Variants in TFDP2 observed in about 807,000 individuals in gnomAD.
TFDP2 encodes transcription factor Dp-2 (E2F dimerization partner 2).
A neutral mutation model predicts 59.3 loss-of-function variants in TFDP2; 17 were observed. The ratio of observed to expected loss-of-function variants is 0.29; its 90% CI spans 0.20 to 0.43. The LOEUF (loss-of-function observed/expected upper bound fraction) is 0.43, where lower values mean the gene tolerates loss of function less well. TFDP2 is among the 20% of genes least tolerant of loss of function. The pLI is 1.00. For missense variants in TFDP2, 391 were observed against 528.8 expected, an observed-to-expected ratio of 0.74 and a Z score of 2.56; for synonymous variants, 180 against 194.7, an observed-to-expected ratio of 0.92 and a Z score of 0.63.
intron 2 of TFDP2, among the ~76,000 whole-genome samples, chr3:142,094,617 T>C (rs772661433): frequency 1.3e-4 from 20 of 152,278 alleles, no homozygotes; most frequent in Non-Finnish European, 2.5e-4. Context: ...CAAACTATAC[T>C]TTCAAGACAC....
At chr3:142,076,444 G>A (rs1450364617) in intron 3 of TFDP2, among the ~76,000 whole-genome samples, 1 of 152,028 alleles carries the variant, frequency 6.6e-6, no homozygotes, top group African/African-American at 2.4e-5. Context: ...TAATGGAACA[G>A]CATATGACTA....
At chr3:142,035,263 A>C (rs1946636928) in intron 3 of TFDP2, among the ~76,000 whole-genome samples, 1 of 152,230 alleles carries the variant, frequency 6.6e-6, no homozygotes, top group Non-Finnish European at 1.5e-5. Context: ...TCCTGCTTAA[A>C]AACTTTCAGT....
intron 6 of TFDP2, among the ~76,000 whole-genome samples, chr3:141,988,307 A>G (rs1190778992): frequency 6.6e-6 from 1 of 152,160 alleles, no homozygotes; most frequent in African/African-American, 2.4e-5. Context: ...CTAGTTTGCC[A>G]CTTACCATAA....
chr3:142,032,975 C>T (rs1946509422), intron 3 of TFDP2, among the ~76,000 whole-genome samples: 1 of 152,018 alleles, frequency 6.6e-6, no homozygotes, highest in Non-Finnish European at 1.5e-5. Flanking sequence ...GCGGGTGGAT[C>T]ACCTGAGGTC....
At chr3:142,004,341 T>C (rs1048497132) in intron 4 of TFDP2, among the ~76,000 whole-genome samples, 6 of 152,246 alleles carry the variant, frequency 3.9e-5, no homozygotes, top group Admixed American at 1.3e-4. Flanking sequence ...AAAGATATCT[T>C]TGTCTAAATA....
chr3:142,138,664 C>T (rs141187558), intron 1 of TFDP2, among the ~76,000 whole-genome samples: 12,660 of 152,124 alleles, frequency 0.083, 656 homozygotes, highest in Middle Eastern at 0.14. Context: ...TCAGTTTCCA[C>T]GTAATTGTGA....
chr3:142,080,422 G>A (rs2060597731), intron 3 of TFDP2, among the ~76,000 whole-genome samples: 1 of 152,052 alleles, frequency 6.6e-6, no homozygotes, highest in Admixed American at 6.6e-5. Flanking sequence ...AACGCAGGAA[G>A]GAAGGGAAGA....
chr3:142,013,102 C>T (rs1012716979), intron 3 of TFDP2, among the ~76,000 whole-genome samples: 2 of 152,124 alleles, frequency 1.3e-5, no homozygotes, highest in African/African-American at 4.8e-5. Context: ...GCACCACTTG[C>T]ACTCCAGCCT....
At chr3:141,959,573 C>G in intron 11 of TFDP2, 101 bp downstream of exon 11, 1 of 1,294,488 alleles carries the variant, frequency 7.7e-7, no homozygotes, top group Non-Finnish European at 1.1e-6. Flanking sequence ...GACACAAGCA[C>G]AGATGTTCTA....
intron 3 of TFDP2, among the ~76,000 whole-genome samples, chr3:142,040,900 T>A (rs544924154): frequency 0.057 from 8,581 of 149,666 alleles, 296 homozygotes; most frequent in Middle Eastern, 0.11. Context: ...CAAGACCTTT[T>A]AAAAAAAAAA....
At chr3:141,959,649 C>T (rs1369722855) in intron 11 of TFDP2, 25 bp downstream of exon 11, 3 of 1,603,962 alleles carry the variant, frequency 1.9e-6, no homozygotes, top group Non-Finnish European at 2.6e-6. Context: ...TCAGGGACAA[C>T]ACATGAAAGC....
chr3:142,056,652 AAC>A (rs2059758959), intron 3 of TFDP2, among the ~76,000 whole-genome samples: 1 of 152,164 alleles, frequency 6.6e-6, no homozygotes, highest in Admixed American at 6.5e-5. Flanking sequence ...ACAAAAACCA[AAC>A]TACTCTTACT....
At chr3:142,142,616 A>G (rs1397432234) in intron 1 of TFDP2, among the ~76,000 whole-genome samples, 3 of 152,242 alleles carry the variant, frequency 2.0e-5, no homozygotes, top group Non-Finnish European at 2.9e-5. Context: ...TAAGATTTAT[A>G]TGGAACCACA....
At chr3:142,013,443 G>A (rs955902083) in intron 3 of TFDP2, among the ~76,000 whole-genome samples, 28 of 152,190 alleles carry the variant, frequency 1.8e-4, no homozygotes, top group Non-Finnish European at 4.0e-4. Flanking sequence ...CAGCCAGGCT[G>A]AGAGAAGTAA....
chr3:142,027,239 T>C (rs1030500173), intron 3 of TFDP2, among the ~76,000 whole-genome samples: 24 of 152,278 alleles, frequency 1.6e-4, no homozygotes, highest in African/African-American at 5.8e-4. Flanking sequence ...TTTTTAAATA[T>C]TGGGTATGTT....
At chr3:142,043,914 C>T in intron 3 of TFDP2, 1 of 888,306 alleles carries the variant, frequency 1.1e-6, no homozygotes, top group Admixed American at 1.7e-5. Flanking sequence ...GGCGCAGAAT[C>T]CACATGACCT....
intron 8 of TFDP2, among the ~76,000 whole-genome samples, chr3:141,972,945 T>C (rs777637347): frequency 2.0e-5 from 3 of 151,804 alleles, no homozygotes; most frequent in Non-Finnish European, 2.9e-5. Context: ...ATTTCCACTG[T>C]AGCATATGAA....
chr3:142,051,469 G>A (rs1303735589), intron 3 of TFDP2, among the ~76,000 whole-genome samples: 2 of 151,154 alleles, frequency 1.3e-5, no homozygotes, highest in African/African-American at 4.9e-5. Context: ...AGCCTGGGAG[G>A]CGGAGGTTGC....
rs1290457262 is a variant in TFDP2, at chr3:141,968,617, T to C, written c.732+1456A>G. Among the ~76,000 whole-genome samples the C allele has an allele frequency of 5.3e-5, 6 of 114,266 alleles. No homozygotes were observed. In the East Asian group the frequency reaches 1.4e-3, roughly 27 times the overall value. 75.0% of individuals were successfully genotyped at this position (114,266 alleles called of 152,430 possible). ...AGATATATATAACATATATATCTCA[T>C]ATATAGATATATATAACACATATAT... On this transcript the variant is annotated intron_variant, in intron 9 of 12. Transcript: ENST00000489671.
Sources: gnomAD v4.1 joint callset for allele counts (sites outside exome capture counted in the v4.1 genomes callset) on GRCh38, gnomAD v4.1.1 for gene constraint, MANE v1.5 for transcripts, NCBI Gene and HGNC (gene_info 2026-07-23, HGNC 2026-07-21) for gene names.